The following ADCY2 variants were observed in gnomAD, a reference collection of about 807,000 sequenced individuals.
The protein encoded by ADCY2 is adenylate cyclase type 2.
In ADCY2, 31 loss-of-function variants were observed where a neutral mutation model predicts 125.2. That is an observed-to-expected ratio of 0.25 (90% CI 0.19 to 0.33). ADCY2 has a LOEUF of 0.33. Ranked by LOEUF, ADCY2 falls within the 10% of genes least tolerant of loss-of-function variation. The pLI is 1.00. For missense variants in ADCY2, 904 were observed against 1,418.2 expected (o/e 0.64, Z 5.82); for synonymous variants, 512 against 548.4 (o/e 0.93, Z 0.93).
chr5:7,643,985 A>T (rs1022154639), intron 4 of ADCY2, among the ~76,000 whole-genome samples: 3 of 152,036 alleles, frequency 2.0e-5, no homozygotes, highest in Non-Finnish European at 4.4e-5. Flanking sequence ...ATTTTTTATT[A>T]AATGGCTCCA....
At chr5:7,715,245 A>G (rs910475355) in intron 11 of ADCY2, among the ~76,000 whole-genome samples, 3 of 152,254 alleles carry the variant, frequency 2.0e-5, no homozygotes, top group Non-Finnish European at 2.9e-5. Flanking sequence ...GCTACTTTGC[A>G]TGTCACATTT....
At chr5:7,441,946 T>C (rs923517790) in intron 2 of ADCY2, among the ~76,000 whole-genome samples, 14 of 152,196 alleles carry the variant, frequency 9.2e-5, no homozygotes, top group African/African-American at 3.4e-4. Context: ...CATGTTAGAC[T>C]TGGCAACCGC....
At chr5:7,586,293 A>G (rs1277210275) in intron 3 of ADCY2, among the ~76,000 whole-genome samples, 5 of 152,176 alleles carry the variant, frequency 3.3e-5, no homozygotes, top group Non-Finnish European at 7.3e-5. Flanking sequence ...AAAGTTTGAG[A>G]AAAAAATTAT....
chr5:7,702,540 C>T (rs1477254919), intron 7 of ADCY2, among the ~76,000 whole-genome samples: 1 of 152,082 alleles, frequency 6.6e-6, no homozygotes, highest in Non-Finnish European at 1.5e-5. Context: ...CATCCATGTC[C>T]CTACAAAGGA....
chr5:7,763,495 G>A (rs1448872969), intron 16 of ADCY2, among the ~76,000 whole-genome samples: 2 of 152,154 alleles, frequency 1.3e-5, no homozygotes, highest in Non-Finnish European at 2.9e-5. Flanking sequence ...GCAATGTTGC[G>A]CGACCATCAC....
chr5:7,465,285 T>C (rs1408542048), intron 2 of ADCY2, among the ~76,000 whole-genome samples: 2 of 152,220 alleles, frequency 1.3e-5, no homozygotes, highest in African/African-American at 4.8e-5. Flanking sequence ...TGTAGTTACC[T>C]GGGTCAGACA....
intron 15 of ADCY2, among the ~76,000 whole-genome samples, chr5:7,747,822 A>T (rs80343337): frequency 0.023 from 3,533 of 152,232 alleles, 126 homozygotes; most frequent in African/African-American, 0.079. Context: ...TATTTTGTTC[A>T]TTGTACTACT....
intron 3 of ADCY2, among the ~76,000 whole-genome samples, chr5:7,555,852 G>GCACACACA (rs1491359535): frequency 0.015 from 1,853 of 127,456 alleles, 36 homozygotes; most frequent in African/African-American, 0.049. Context: ...ACACATGTGA[G>GCACACACA]CGCACACACA....
chr5:7,793,219 C>G (rs180906195), intron 20 of ADCY2, among the ~76,000 whole-genome samples: 70 of 152,262 alleles, frequency 4.6e-4, no homozygotes, highest in African/African-American at 1.4e-3. Flanking sequence ...GAGGCCAAGG[C>G]AAGCGGATCA....
At chr5:7,635,178 A>G (rs1738452300) in intron 4 of ADCY2, among the ~76,000 whole-genome samples, 5 of 152,162 alleles carry the variant, frequency 3.3e-5, no homozygotes, top group Admixed American at 3.3e-4. Flanking sequence ...CTGAGTGGGA[A>G]GTCACTGAAG....
chr5:7,485,436 TAATA>T (rs1198060398), intron 2 of ADCY2, among the ~76,000 whole-genome samples: 4 of 152,232 alleles, frequency 2.6e-5, no homozygotes, highest in Non-Finnish European at 4.4e-5. Flanking sequence ...ATTTCAGCAA[TAATA>T]AATAAATTCA....
chr5:7,764,219 C>T (rs1362001724), intron 16 of ADCY2, among the ~76,000 whole-genome samples: 1 of 152,136 alleles, frequency 6.6e-6, no homozygotes, highest in Non-Finnish European at 1.5e-5. Flanking sequence ...GTTGTCCATG[C>T]TTGTTTCATA....
At chr5:7,441,961 A>G (rs1019947713) in intron 2 of ADCY2, among the ~76,000 whole-genome samples, 10 of 152,170 alleles carry the variant, frequency 6.6e-5, no homozygotes, top group South Asian at 4.1e-4. Context: ...AACCGCCACA[A>G]TTACATAAGT....
intron 22 of ADCY2, among the ~76,000 whole-genome samples, chr5:7,806,380 T>A (rs934769331): frequency 6.6e-6 from 1 of 152,104 alleles, no homozygotes; most frequent in Non-Finnish European, 1.5e-5. Flanking sequence ...GGCTCTAAGA[T>A]GCTCAGCACA....
intron 14 of ADCY2, among the ~76,000 whole-genome samples, chr5:7,733,765 G>A (rs1742172638): frequency 6.6e-6 from 1 of 152,094 alleles, no homozygotes; most frequent in South Asian, 2.1e-4. Context: ...TGTACTTTCT[G>A]GGGAATACAG....
intron 3 of ADCY2, among the ~76,000 whole-genome samples, chr5:7,581,467 A>C (rs1736430004): frequency 6.6e-6 from 1 of 152,044 alleles, no homozygotes. Flanking sequence ...TATAGCTGCA[A>C]ATCCAATCAA....
At chr5:7,651,709 A>G (rs1739096977) in intron 4 of ADCY2, among the ~76,000 whole-genome samples, 1 of 152,190 alleles carries the variant, frequency 6.6e-6, no homozygotes, top group Admixed American at 6.5e-5. Flanking sequence ...AACACTTTGC[A>G]TCCTTCAATC....
intron 6 of ADCY2, among the ~76,000 whole-genome samples, chr5:7,697,924 A>T (rs1561172995): frequency 6.6e-6 from 1 of 152,134 alleles, no homozygotes; most frequent in Non-Finnish European, 1.5e-5. Flanking sequence ...TTTCACCCTT[A>T]ATGTTTGGAG....
chr5:7,621,913 G>A (rs751030369), intron 3 of ADCY2, among the ~76,000 whole-genome samples: 22 of 152,114 alleles, frequency 1.4e-4, no homozygotes, highest in Non-Finnish European at 2.8e-4. Flanking sequence ...CAGACCCCGC[G>A]CATACTCAAT....
Sources: allele counts gnomAD v4.1 joint callset (sites outside exome capture counted in the v4.1 genomes callset), GRCh38; gene constraint gnomAD v4.1.1; transcripts MANE v1.5; gene names NCBI Gene and HGNC (gene_info 2026-07-23, HGNC 2026-07-21).